WNT2B: variants seen among roughly 807,000 people sequenced by gnomAD.
The protein encoded by WNT2B is protein Wnt-2b.
In WNT2B, 19 loss-of-function variants were observed where a neutral mutation model predicts 40.5. The ratio of observed to expected loss-of-function variants is 0.47; its 90% confidence interval spans 0.33 to 0.69. The LOEUF (loss-of-function observed/expected upper bound fraction) is 0.69. Among genes scored for constraint, WNT2B ranks in the 30% least tolerant of loss-of-function variants. WNT2B has a pLI of 0.02. For missense variants in WNT2B, 467 were observed against 556.4 expected (o/e 0.84, Z 1.62); for synonymous variants, 220 against 211.9 (o/e 1.04, Z -0.33).
intron 1 of WNT2B, among the ~76,000 whole-genome samples, chr1:112,473,239 G>A (rs1405358073): frequency 6.9e-6 from 1 of 144,492 alleles, no homozygotes; most frequent in Non-Finnish European, 1.5e-5. Context: ...AAGGAAGGAA[G>A]GAAAAGAGGG....
At chr1:112,512,102 C>T (rs965099357) in intron 1 of WNT2B, among the ~76,000 whole-genome samples, 8 of 151,912 alleles carry the variant, frequency 5.3e-5, no homozygotes, top group Admixed American at 4.6e-4. Flanking sequence ...AGATCCCTGG[C>T]CCGTTTGTGT....
chr1:112,478,400 A>C (rs1651116892), intron 1 of WNT2B, among the ~76,000 whole-genome samples: 1 of 152,204 alleles, frequency 6.6e-6, no homozygotes. Context: ...AGAAGACTAC[A>C]TCAAGGCATA....
In WNT2B at chr1:112,515,226, G is replaced by C. The variant is rs1652484524; in HGVS notation, c.403+132G>C. 1.7e-5 allele frequency: 19 copies of C among 1,102,212 alleles called. No individual in the cohort carries two copies. In the South Asian group the frequency reaches 2.7e-4, roughly 16 times the overall value. 68.3% of individuals were successfully genotyped at this position (1,102,212 alleles called of 1,614,324 possible). A position where few individuals can be genotyped will look rare whatever the true frequency, so the allele number is the denominator to read the frequency against. ...ATCATCAGAGAAAGAACTGTGGGCA[G>C]AGCCCAGGATATAATTGGGAACAGA... On this transcript the variant is annotated intron_variant, in intron 2 of 4. Transcript: ENST00000369684. The surrounding 1 kb of genome is among the most constrained non-coding windows in gnomAD (Gnocchi z 4.4).
chr1:112,521,753 G>A lies in WNT2B; in HGVS notation c.*1244G>A, dbSNP rs575907911. 3.7e-4 allele frequency: 56 copies of A among 152,254 alleles called. No homozygotes were observed. Among genetic ancestry groups the A allele is most frequent in the African/African-American group, 1.2e-3 (50 of 41,524 alleles). 9.4% of individuals were successfully genotyped at this position (152,254 alleles called of 1,614,324 possible). A position where few individuals can be genotyped will look rare whatever the true frequency, so the allele number is the denominator to read the frequency against. On this transcript the variant is annotated 3_prime_UTR_variant, in exon 5 of 5. Coordinates refer to ENST00000369684, the MANE Select transcript of WNT2B (RefSeq NM_024494.3). ...ATTGCCTAACTAGGTTTGCAGTAGT[G>A]GAATCTCCAGAGATAGCAGGCTTAG... is the stretch of plus-strand genomic sequence containing the variant.
At chr1:112,513,620 T>C (rs1459708258) in intron 1 of WNT2B, among the ~76,000 whole-genome samples, 1 of 152,150 alleles carries the variant, frequency 6.6e-6, no homozygotes, top group African/African-American at 2.4e-5. Context: ...CCCTCCCTTC[T>C]CCTCACCCAC....
intron 1 of WNT2B, among the ~76,000 whole-genome samples, chr1:112,483,760 A>G (rs1651307164): frequency 6.8e-6 from 1 of 147,412 alleles, no homozygotes; most frequent in South Asian, 2.2e-4. Flanking sequence ...ATATATAAGG[A>G]ACTCATACAA....
intron 1 of WNT2B, among the ~76,000 whole-genome samples, chr1:112,501,151 T>A (rs1167691217): frequency 6.6e-6 from 1 of 152,174 alleles, no homozygotes; most frequent in Non-Finnish European, 1.5e-5. Flanking sequence ...TTGTAGAATG[T>A]CCCCCTGGTG....
At chr1:112,499,691 G>A (rs1651887435) in intron 1 of WNT2B, among the ~76,000 whole-genome samples, 1 of 152,194 alleles carries the variant, frequency 6.6e-6, no homozygotes, top group Non-Finnish European at 1.5e-5. Flanking sequence ...CATATTTAAT[G>A]TCAAACTTAC....
intron 1 of WNT2B, among the ~76,000 whole-genome samples, chr1:112,484,272 C>CATATATATATATAT: frequency 8.1e-6 from 1 of 123,266 alleles, no homozygotes; most frequent in East Asian, 2.2e-4. Context: ...TATATATACA[C>CATATATATATATAT]ATATATATAT....
chr1:112,518,575 A>G (rs191848949), intron 4 of WNT2B: 4 of 152,290 alleles, frequency 2.6e-5, no homozygotes, highest in Admixed American at 6.5e-5. Flanking sequence ...CACTAAGTAT[A>G]CTTTCCTCCC....
At position 112,516,249 on chromosome 1, in the gene WNT2B, C is replaced by T. The variant is rs189277982; in HGVS notation, c.513C>T (p.Tyr171=). The T allele has an allele frequency of 7.6e-5, 123 of 1,614,104 alleles. No homozygotes were observed. Among genetic ancestry groups the T allele is most frequent in the Non-Finnish European group, 8.5e-5 (100 of 1,180,028 alleles). ...TGAGTGTGTGCAGCTGTGACCCCTA[C>T]ACCCGTGGCCGACACCATGACCAGC... ...GELSVCSCDP[Y]TRGRHHDQRG... Residue 171 remains tyrosine (Y), a synonymous_variant, in exon 3 of 5, where the codon TAC becomes TAT. Transcript: ENST00000369684.
intron 3 of WNT2B, 67 bp downstream of exon 3, chr1:112,516,484 A>G: frequency 1.3e-6 from 2 of 1,543,716 alleles, no homozygotes; most frequent in South Asian, 2.5e-5. Context: ...GTGACCATGG[A>G]CTAAATAAAT....
chr1:112,509,467 G>A lies in WNT2B; in HGVS notation c.182+23G>A. On this transcript the variant is annotated intron_variant, in intron 1 of 4. Transcript: ENST00000369684. This position sits in a 1 kb window ranked among gnomAD's most constrained non-coding sequence, Gnocchi z 4.2. Reference sequence around the variant, plus strand: ...GTGGTAAGTGTGGCTCTCAGGCTGGGCGGGTGAGGCGCTTGGTAGGAGAGG... The same window carrying A: ...GTGGTAAGTGTGGCTCTCAGGCTGGACGGGTGAGGCGCTTGGTAGGAGAGG... 6.5e-7 allele frequency: 1 copy of A among 1,546,232 alleles called. No homozygotes were observed.
chr1:112,473,381 T>C (rs895948130), intron 1 of WNT2B, among the ~76,000 whole-genome samples: 2 of 151,842 alleles, frequency 1.3e-5, no homozygotes, highest in African/African-American at 4.8e-5. Flanking sequence ...GTTTGGTAAC[T>C]AGAGACATGA....
chr1:112,491,148 G>T (rs1651590166), intron 1 of WNT2B: 5 of 1,480,218 alleles, frequency 3.4e-6, no homozygotes, highest in Non-Finnish European at 4.6e-6. Flanking sequence ...GGTGGCTCGT[G>T]CCTGTAATCC....
At chr1:112,505,620 G>A (rs1307923750), upstream of WNT2B, among the ~76,000 whole-genome samples, 1 of 152,256 alleles carries the variant, frequency 6.6e-6, no homozygotes, top group Non-Finnish European at 1.5e-5. Context: ...GTGAGGAGCT[G>A]AGCTCTCCAG....
intron 1 of WNT2B, among the ~76,000 whole-genome samples, chr1:112,510,114 G>C (rs1652297318): frequency 6.6e-6 from 1 of 152,114 alleles, no homozygotes; most frequent in South Asian, 2.1e-4. Context: ...CCAAGAGCCA[G>C]AGGGCTGCGG....
At chr1:112,505,860 C>T (rs1652091215), upstream of WNT2B, among the ~76,000 whole-genome samples, 1 of 152,156 alleles carries the variant, frequency 6.6e-6, no homozygotes, top group Non-Finnish European at 1.5e-5. Context: ...CTAGGTTGTC[C>T]ACTCTGGGGG....
chr1:112,509,517 TGCTCACG>T lies in WNT2B; in HGVS notation c.182+75_182+81del. ...GCCGGAGGCGCCTGGAGGGACTGGC[TGCTCACG>T]GGACCAGGCTGTTGCTTCGACGGGT... On this transcript the variant is annotated intron_variant, in intron 1 of 4. Coordinates refer to ENST00000369684, the MANE Select transcript of WNT2B (RefSeq NM_024494.3). This position sits in a 1 kb window ranked among gnomAD's most constrained non-coding sequence, Gnocchi z 4.2. The T allele has an allele frequency of 6.8e-7, 1 of 1,473,540 alleles. No homozygotes were observed. The highest frequency in any genetic ancestry group is 1.5e-5 in the African/African-American group (1 of 67,290). 91.3% of individuals were successfully genotyped at this position (1,473,540 alleles called of 1,614,324 possible). A position where few individuals can be genotyped will look rare whatever the true frequency, so the allele number is the denominator to read the frequency against.
Sources: gnomAD v4.1 joint callset for allele counts (sites outside exome capture counted in the v4.1 genomes callset) on GRCh38, gnomAD v4.1.1 for gene constraint, Gnocchi (gnomAD v3.1) non-coding constraint, MANE v1.5 for transcripts, NCBI Gene and HGNC (gene_info 2026-07-23, HGNC 2026-07-21) for gene names.